SMARCA1: variants seen among roughly 807,000 people sequenced by gnomAD.
SMARCA1 encodes SNF2 related chromatin remodeling ATPase 1, also known as SWI/SNF-related matrix-associated actin-dependent regulator of chromatin subfamily A member 1.
A neutral mutation model predicts 93.6 loss-of-function variants in SMARCA1; 17 were observed. The observed-to-expected ratio is 0.18, with a 90% CI of 0.12 to 0.27. The LOEUF (loss-of-function observed/expected upper bound fraction) is 0.27, where lower values mean the gene tolerates loss of function less well. SMARCA1 is among the 10% of genes least tolerant of loss of function. The pLI is 1.00. For missense variants in SMARCA1, 630 were observed against 819.0 expected (o/e 0.77, Z 2.82); for synonymous variants, 271 against 271.4 (o/e 1.00, Z 0.01).
intron 24 of SMARCA1, among the ~76,000 whole-genome samples, chrX:129,448,129 T>G (rs945233356): frequency 9.0e-6 from 1 of 111,366 alleles, no homozygotes; most frequent in Non-Finnish European, 1.9e-5. Flanking sequence ...GCCTAGTTAC[T>G]AGGGAGTTCC....
chrX:129,503,872 G>C (rs1226870650), intron 9 of SMARCA1, among the ~76,000 whole-genome samples: 3 of 105,036 alleles, frequency 2.9e-5, no homozygotes, highest in Non-Finnish European at 5.8e-5. Context: ...TGAGGCAAGA[G>C]AATCGCTTGA....
At position 129,455,165 on chromosome X, in the gene SMARCA1, T is replaced by C. The variant is rs755840274; in HGVS notation, c.3031-6722A>G. ...AAAGACACATGCACATGTATGTTTA[T>C]TGCAGCACTTTTCACAATAGCAAAG... On this transcript the variant is annotated intron_variant, in intron 23 of 24. Transcript: ENST00000371121. 9.0e-5 allele frequency among the ~76,000 whole-genome samples: 10 copies of C among 111,703 alleles called. No homozygotes were observed. The South Asian group carries it at 1.1e-3, about 13-fold the overall frequency.
intron 1 of SMARCA1, among the ~76,000 whole-genome samples, chrX:129,519,248 G>A (rs1284127597): frequency 9.0e-6 from 1 of 111,548 alleles, no homozygotes; most frequent in Non-Finnish European, 1.9e-5. Flanking sequence ...AGACAAGCCT[G>A]TACTGGCAAA....
intron 6 of SMARCA1, among the ~76,000 whole-genome samples, chrX:129,508,846 A>G (rs959920970): frequency 8.9e-6 from 1 of 112,518 alleles, no homozygotes; most frequent in African/African-American, 3.2e-5. Context: ...TAAAACCACA[A>G]AAGTTAATGG....
In SMARCA1 at chrX:129,492,034, G is replaced by A; in HGVS notation, c.1722C>T (p.Thr574=). The change falls in exon 14 of 25, where the codon ACC becomes ACT. Residue 574 remains threonine, a synonymous_variant. Transcript: ENST00000371121. ...NSSKFIFMLS[T]RAGGLGINLA... ...GGTTAATTCCGAGACCTCCAGCCCT[G>A]GTACTTAGCATAAAGATGAATTTGC... 2 of 1,186,798 alleles carry A rather than the reference G, an allele frequency of 1.7e-6. No individual in the cohort carries two copies. The highest frequency in any genetic ancestry group is 2.3e-6 in the Non-Finnish European group (2 of 874,013).
chrX:129,453,035 A>G (rs955785102), intron 23 of SMARCA1, among the ~76,000 whole-genome samples: 1 of 111,640 alleles, frequency 9.0e-6, no homozygotes, highest in Non-Finnish European at 1.9e-5. Flanking sequence ...CAACCATATT[A>G]GATGGCTAAC....
chrX:129,491,896 A>G, intron 14 of SMARCA1, 45 bp downstream of exon 14: 1 of 984,637 alleles, frequency 1.0e-6, no homozygotes, highest in East Asian at 3.1e-5. Flanking sequence ...TAGCAATAGT[A>G]TTCAGAGCTA....
intron 7 of SMARCA1, among the ~76,000 whole-genome samples, chrX:129,507,415 A>G (rs1282409140): frequency 1.8e-5 from 2 of 112,645 alleles, no homozygotes; most frequent in Non-Finnish European, 3.7e-5. Flanking sequence ...ATATTAAAAT[A>G]CTACAGCATA....
In SMARCA1 at chrX:129,523,234, G is replaced by A; in HGVS notation, c.137C>T (p.Ala46Val). The part of the protein sequence containing the change: ...EEGAAAAATE[A>V]TAATEKGEKK... ...CTCGCCCTTCTCCGTGGCCGCGGTG[G>A]CTTCGGTGGCCGCGGCGGCCGCTCC... The change falls in exon 1 of 25, where the codon GCC (alanine) becomes GTC (valine). Residue 46 changes from alanine (A) to valine (V), a missense_variant. Ala to Val is a moderately conservative substitution (Grantham distance 64). Coordinates refer to ENST00000371121, the MANE Select transcript of SMARCA1 (RefSeq NM_001282874.2). The A allele has an allele frequency of 8.3e-7, 1 of 1,211,189 alleles. No homozygotes were observed. Among genetic ancestry groups the A allele is most frequent in the Middle Eastern group, 2.3e-4 (1 of 4,353 alleles).
chrX:129,456,998 A>G lies in SMARCA1; in HGVS notation c.3030+8522T>C, dbSNP rs1932659154. ...GTAACATGCTATCAAACAGCATCAC[A>G]TGCCAAAGATAAATCTTTTGTGAAA... On this transcript the variant is annotated intron_variant, in intron 23 of 24. Coordinates refer to ENST00000371121, the MANE Select transcript of SMARCA1 (RefSeq NM_001282874.2). Among the ~76,000 whole-genome samples the G allele has an allele frequency of 3.6e-5, 4 of 112,176 alleles. No individual in the cohort carries two copies. In the Admixed American group the frequency reaches 3.8e-4, roughly 11 times the overall value.
chrX:129,467,934 A>G (rs187119043), intron 21 of SMARCA1, among the ~76,000 whole-genome samples: 28 of 112,500 alleles, frequency 2.5e-4, no homozygotes, highest in Non-Finnish European at 4.9e-4. Context: ...GTTTCAAATG[A>G]TAAGTTTAAG....
chrX:129,513,376 T>C (rs1162914996), intron 5 of SMARCA1, among the ~76,000 whole-genome samples: 1 of 107,373 alleles, frequency 9.3e-6, no homozygotes, highest in Admixed American at 1.0e-4. Flanking sequence ...AATACAAAAT[T>C]AGCCAGGCGT....
rs147504213 is a variant in SMARCA1, at chrX:129,494,345, G to A, written c.1627-1270C>T. Among the ~76,000 whole-genome samples, 1,097 of 111,689 alleles carry A rather than the reference G, an allele frequency of 9.8e-3. 19 individuals carry two copies. Among genetic ancestry groups the A allele is most frequent in the African/African-American group, 0.034 (1,045 of 30,659 alleles). On this transcript the variant is annotated intron_variant, in intron 12 of 24. Transcript: ENST00000371121. Reference sequence around the variant, plus strand: ...AATAAGTCAGCAAAAGCTCAGTAACGCTTCAAGTTGCCATCTCAGAGAGAG... The same window carrying A: ...AATAAGTCAGCAAAAGCTCAGTAACACTTCAAGTTGCCATCTCAGAGAGAG...
At chrX:129,500,475 A>G (rs1934518854) in intron 9 of SMARCA1, among the ~76,000 whole-genome samples, 1 of 112,703 alleles carries the variant, frequency 8.9e-6, no homozygotes, top group Non-Finnish European at 1.9e-5. Context: ...CCACAACAAG[A>G]TTTTTAAACC....
rs1285155481 is a variant in SMARCA1, at chrX:129,447,174, C to T, written c.3201G>A (p.Lys1067=). Reference sequence around the variant, plus strand: ...TTATTTCTAGGCTTTAGGATTTCACCTTCTTGACATCCTTCTTTCCAGAGC... The same window carrying T: ...TTATTTCTAGGCTTTAGGATTTCACTTTCTTGACATCCTTCTTTCCAGAGC... ...TESSGKKDVK[K]VKS Residue 1067 remains lysine (K), a synonymous_variant, in exon 25 of 25, where the codon AAG becomes AAA. Transcript: ENST00000371121. 1 of 1,144,558 alleles carries T rather than the reference C, an allele frequency of 8.7e-7. No individual in the cohort carries two copies. Among genetic ancestry groups the T allele is most frequent in the Non-Finnish European group, 1.2e-6 (1 of 866,860 alleles). 94.3% of individuals were successfully genotyped at this position (1,144,558 alleles called of 1,213,427 possible).
chrX:129,468,168 A>G (rs1329847999), intron 21 of SMARCA1, among the ~76,000 whole-genome samples: 1 of 112,686 alleles, frequency 8.9e-6, no homozygotes, highest in Non-Finnish European at 1.9e-5. Flanking sequence ...AGTGTAAAAA[A>G]AATCCATATG....
rs1040537628 is a variant in SMARCA1, at chrX:129,521,116, C to G, written c.174+2081G>C. ...GGCCAGGCTGGTTTCGAACTCCTGA[C>G]CTCAAGTGATCTACCCGCCTCGGCC... is the stretch of plus-strand genomic sequence containing the variant. On this transcript the variant is annotated intron_variant, in intron 1 of 24. Transcript: ENST00000371121. Among the ~76,000 whole-genome samples, 3 of 111,095 alleles carry G rather than the reference C, an allele frequency of 2.7e-5. No individual in the cohort carries two copies. The Admixed American group carries it at 2.9e-4, about 11-fold the overall frequency.
In SMARCA1 at chrX:129,488,870, T is replaced by G; in HGVS notation, c.2097+67A>C. On this transcript the variant is annotated intron_variant, in intron 16 of 24. Transcript: ENST00000371121. ...CAGATAAACATGTACAATGAAAATATAAGTATGCTGAAGTATGTTGATATT... is the reference window on the plus strand; with the variant it reads ...CAGATAAACATGTACAATGAAAATAGAAGTATGCTGAAGTATGTTGATATT... The G allele has an allele frequency of 4.5e-6, 3 of 672,648 alleles. No individual in the cohort carries two copies. The South Asian group carries it at 8.6e-5, about 19-fold the overall frequency. 55.4% of individuals were successfully genotyped at this position (672,648 alleles called of 1,213,427 possible). A position where few individuals can be genotyped will look rare whatever the true frequency, so the allele number is the denominator to read the frequency against.
At chrX:129,461,534 T>C (rs1288810860) in intron 23 of SMARCA1, among the ~76,000 whole-genome samples, 1 of 111,733 alleles carries the variant, frequency 8.9e-6, no homozygotes, top group African/African-American at 3.3e-5. Context: ...ACAGAGATAC[T>C]CTCCTGACAT....
Sources: gnomAD v4.1 joint callset for allele counts (sites outside exome capture counted in the v4.1 genomes callset) on GRCh38, gnomAD v4.1.1 for gene constraint, MANE v1.5 for transcripts, NCBI Gene and HGNC (gene_info 2026-07-23, HGNC 2026-07-21) for gene names.